The following EXOC4 variants were observed in gnomAD, a reference collection of about 807,000 sequenced individuals.
EXOC4 encodes the protein SEC8-like 1.
In EXOC4, 71 loss-of-function variants were observed where a neutral mutation model predicts 107.2. That is an observed-to-expected ratio of 0.66 (90% CI 0.55 to 0.81). The LOEUF is 0.81. EXOC4 is among the 30% of genes least tolerant of loss of function. The probability of loss-of-function intolerance (pLI) is 0.00; values close to 1 mark genes in which losing one functional copy is unlikely to be tolerated. For missense variants in EXOC4, 1,108 were observed against 1,189.6 expected (o/e 0.93, Z 1.01); for synonymous variants, 456 against 441.2 (o/e 1.03, Z -0.42).
intron 12 of EXOC4, among the ~76,000 whole-genome samples, chr7:133,910,320 A>G (rs572881922): frequency 2.0e-5 from 3 of 152,306 alleles, no homozygotes; most frequent in Non-Finnish European, 2.9e-5. Flanking sequence ...GATCCTTCAT[A>G]TGAGAACTTG....
At chr7:133,962,577 A>G (rs967958576) in intron 14 of EXOC4, among the ~76,000 whole-genome samples, 7 of 152,324 alleles carry the variant, frequency 4.6e-5, no homozygotes, top group Non-Finnish European at 7.3e-5. Context: ...CAAGACATTT[A>G]AAAGGCTGTG....
intron 7 of EXOC4, among the ~76,000 whole-genome samples, chr7:133,469,845 C>T (rs1286704673): frequency 6.6e-6 from 1 of 152,174 alleles, no homozygotes; most frequent in Non-Finnish European, 1.5e-5. Context: ...GGATTGACTT[C>T]TTTGATTTTT....
At chr7:133,903,532 AT>A (rs1454465693) in intron 12 of EXOC4, among the ~76,000 whole-genome samples, 1 of 152,162 alleles carries the variant, frequency 6.6e-6, no homozygotes. Flanking sequence ...AACTCTCAGG[AT>A]TTTATATTTG....
chr7:133,390,125 G>A (rs1796819924), intron 7 of EXOC4, among the ~76,000 whole-genome samples: 2 of 152,108 alleles, frequency 1.3e-5, no homozygotes, highest in Admixed American at 1.3e-4. Flanking sequence ...CCAGGGGAGA[G>A]GTAAGGGCAG....
At chr7:133,928,723 A>C (rs1800106685) in intron 13 of EXOC4, among the ~76,000 whole-genome samples, 1 of 152,018 alleles carries the variant, frequency 6.6e-6, no homozygotes, top group Non-Finnish European at 1.5e-5. Context: ...ATAAACCTAC[A>C]CAGAAGAGGC....
chr7:133,812,769 T>C (rs2151209667), intron 10 of EXOC4, among the ~76,000 whole-genome samples: 1 of 152,300 alleles, frequency 6.6e-6, no homozygotes, highest in South Asian at 2.1e-4. Context: ...CTCTGCTCTC[T>C]TAGTGATTTC....
chr7:134,034,610 G>C (rs887108376), intron 17 of EXOC4, among the ~76,000 whole-genome samples: 9 of 152,164 alleles, frequency 5.9e-5, no homozygotes, highest in African/African-American at 1.7e-4. Flanking sequence ...TGTGAACAGG[G>C]TGCCTTGCTT....
chr7:133,583,879 G>A (rs1801334881), intron 9 of EXOC4, among the ~76,000 whole-genome samples: 1 of 152,152 alleles, frequency 6.6e-6, no homozygotes, highest in Non-Finnish European at 1.5e-5. Flanking sequence ...AGGTAAATTT[G>A]GTAAGCCAAG....
chr7:133,531,765 G>C (rs1057403012), intron 9 of EXOC4, among the ~76,000 whole-genome samples: 2 of 152,082 alleles, frequency 1.3e-5, no homozygotes, highest in African/African-American at 2.4e-5. Flanking sequence ...TAATGTGATA[G>C]CTTTTTTATT....
intron 10 of EXOC4, among the ~76,000 whole-genome samples, chr7:133,814,968 C>T (rs1230777406): frequency 1.3e-5 from 2 of 151,992 alleles, no homozygotes; most frequent in African/African-American, 4.8e-5. Flanking sequence ...TTCTTCTCCT[C>T]TTTTTTGAGA....
At chr7:133,581,343 A>G (rs1336693236) in intron 9 of EXOC4, among the ~76,000 whole-genome samples, 1 of 152,198 alleles carries the variant, frequency 6.6e-6, no homozygotes, top group Non-Finnish European at 1.5e-5. Flanking sequence ...CAGGTTTGCT[A>G]GATAGGTAAA....
At chr7:133,955,822 T>C (rs1800805651) in intron 14 of EXOC4, among the ~76,000 whole-genome samples, 1 of 152,218 alleles carries the variant, frequency 6.6e-6, no homozygotes, top group South Asian at 2.1e-4. Context: ...AGTGCGTGCA[T>C]ACGTGACCAG....
intron 9 of EXOC4, among the ~76,000 whole-genome samples, chr7:133,613,512 T>C (rs1802120273): frequency 2.0e-5 from 3 of 152,104 alleles, no homozygotes; most frequent in African/African-American, 7.2e-5. Flanking sequence ...AGTGCAATAC[T>C]GTAAGCTTTG....
intron 5 of EXOC4, among the ~76,000 whole-genome samples, chr7:133,342,260 G>A (rs1795679924): frequency 1.3e-5 from 2 of 152,108 alleles, no homozygotes; most frequent in Admixed American, 1.3e-4. Flanking sequence ...GCATTTGTTT[G>A]TCTGGAAAAG....
At chr7:133,740,495 A>G (rs1185294758) in intron 10 of EXOC4, among the ~76,000 whole-genome samples, 1 of 152,144 alleles carries the variant, frequency 6.6e-6, no homozygotes, top group Non-Finnish European at 1.5e-5. Flanking sequence ...GTCTCTGTTA[A>G]AAAAATTATC....
At chr7:133,396,895 A>G (rs1451133348) in intron 7 of EXOC4, among the ~76,000 whole-genome samples, 1 of 152,188 alleles carries the variant, frequency 6.6e-6, no homozygotes, top group Non-Finnish European at 1.5e-5. Flanking sequence ...AAGAAATACA[A>G]ACCAACCAAG....
intron 11 of EXOC4, among the ~76,000 whole-genome samples, chr7:133,823,872 T>C (rs1312416565): frequency 8.6e-5 from 1 of 11,602 alleles, no homozygotes; most frequent in Non-Finnish European, 1.3e-4. Context: ...TATATATATA[T>C]TATATATATA....
chr7:133,713,667 G>T (rs1012719888), intron 10 of EXOC4, among the ~76,000 whole-genome samples: 1 of 152,198 alleles, frequency 6.6e-6, no homozygotes, highest in East Asian at 1.9e-4. Flanking sequence ...TGAATCATGG[G>T]GGGTGGTTTC....
chr7:133,760,270 GT>G (rs1796006329), intron 10 of EXOC4, among the ~76,000 whole-genome samples: 1 of 152,106 alleles, frequency 6.6e-6, no homozygotes, highest in South Asian at 2.1e-4. Context: ...TGAATGTAGT[GT>G]TTATGTATAG....
Sources: gnomAD v4.1 joint callset for allele counts (sites outside exome capture counted in the v4.1 genomes callset) on GRCh38, gnomAD v4.1.1 for gene constraint, MANE v1.5 for transcripts, NCBI Gene and HGNC (gene_info 2026-07-23, HGNC 2026-07-21) for gene names.